FLYWCH1: variants seen among roughly 807,000 people sequenced by gnomAD.
The protein encoded by FLYWCH1 is FLYWCH-type zinc finger 1.
Under a neutral mutation model 66.4 loss-of-function variants are expected in FLYWCH1, and 75 were observed. That is an observed-to-expected ratio of 1.13 (90% CI 0.94 to 1.37). The LOEUF (loss-of-function observed/expected upper bound fraction) is 1.37, where lower values mean the gene tolerates loss of function less well. FLYWCH1 is among the 40% of genes most tolerant of loss of function. The probability of loss-of-function intolerance (pLI) is 0.00; values close to 1 mark genes in which losing one functional copy is unlikely to be tolerated. For missense variants in FLYWCH1, 1,334 were observed against 1,001.8 expected (o/e 1.33, Z -4.48); for synonymous variants, 595 against 429.9 (o/e 1.38, Z -4.75).
chr16:2,923,720 C>A (rs1374175937), intron 2 of FLYWCH1, among the ~76,000 whole-genome samples: 1 of 152,066 alleles, frequency 6.6e-6, no homozygotes, highest in Non-Finnish European at 1.5e-5. Context: ...ATTTCATAAC[C>A]GTTTGCATTA....
chr16:2,934,844 C>G (rs2070931635), intron 6 of FLYWCH1: 1 of 299,336 alleles, frequency 3.3e-6, no homozygotes, highest in Admixed American at 4.9e-5. Flanking sequence ...GCCCTATTTC[C>G]TAAAATGTGC....
Position 2,938,317 on chromosome 16 carries a change from G to A in FLYWCH1, c.1911G>A (p.Leu637=), listed in dbSNP as rs748910115. The part of the protein sequence containing the change: ...VYWMCRDQAR[L]GCRSRAITQG... Reference sequence around the variant, plus strand: ...GGATGTGCCGGGACCAGGCTCGGCTGGGCTGCCGCAGCCGCGCCATAACCC... The same window carrying A: ...GGATGTGCCGGGACCAGGCTCGGCTAGGCTGCCGCAGCCGCGCCATAACCC... Residue 637 remains leucine, a synonymous_variant, in exon 8 of 10, where the codon CTG becomes CTA. Coordinates refer to ENST00000253928, the MANE Select transcript of FLYWCH1 (RefSeq NM_001308068.2). 3.1e-6 allele frequency: 5 copies of A among 1,608,948 alleles called. 1 individual carries two copies.
At chr16:2,933,668 C>T (rs746218400) in intron 5 of FLYWCH1, 48 bp from the exon 6 acceptor site, 6 of 1,584,388 alleles carry the variant, frequency 3.8e-6, no homozygotes, top group Admixed American at 3.5e-5. Flanking sequence ...GCGATCAGGC[C>T]TACCCAGCCC....
In FLYWCH1 at chr16:2,937,276, C is replaced by T. The variant is rs759248456; in HGVS notation, c.1669C>T (p.Arg557Trp). 15 of 1,605,458 alleles carry T rather than the reference C, an allele frequency of 9.3e-6. No individual in the cohort carries two copies. In the East Asian group the frequency reaches 1.6e-4, roughly 17 times the overall value. Reference sequence around the variant, plus strand: ...CCGCAGCCGCGCCATCACCCAGGGCCGGCGGGTCATGGTCATGCGCAGGCA... The same window carrying T: ...CCGCAGCCGCGCCATCACCCAGGGCTGGCGGGTCATGGTCATGCGCAGGCA... Reference protein sequence around the residue: ...GCRSRAITQGRRVMVMRRHCH... With the variant: ...GCRSRAITQGWRVMVMRRHCH... Residue 557 changes from arginine to tryptophan, a missense_variant, in exon 7 of 10, where the codon CGG becomes TGG. Coordinates refer to ENST00000253928, the MANE Select transcript of FLYWCH1 (RefSeq NM_001308068.2).
intron 2 of FLYWCH1, among the ~76,000 whole-genome samples, chr16:2,925,321 T>A (rs1439884539): frequency 2.6e-5 from 4 of 152,032 alleles, no homozygotes; most frequent in Non-Finnish European, 5.9e-5. Flanking sequence ...GTCAAGGAAC[T>A]GCCACGTCCA....
intron 3 of FLYWCH1, 99 bp from the exon 4 acceptor site, chr16:2,930,311 C>T: frequency 5.4e-6 from 4 of 739,326 alleles, no homozygotes; most frequent in Non-Finnish European, 8.7e-6. Flanking sequence ...GGAGAAGGCA[C>T]CTGCCATACT....
In FLYWCH1 at chr16:2,933,352, C is replaced by G. The variant is rs761599299; in HGVS notation, c.1019C>G (p.Ala340Gly). Reference sequence around the variant, plus strand: ...CAGCCCGATATGGAGGGCCTGGAAGCCCGGCGGCAGCAGGAGAAGGCCGTG... The same window carrying G: ...CAGCCCGATATGGAGGGCCTGGAAGGCCGGCGGCAGCAGGAGAAGGCCGTG... Reference protein sequence around the residue: ...CHQPDMEGLEARRQQEKAVET... With the variant: ...CHQPDMEGLEGRRQQEKAVET... Residue 340 changes from alanine to glycine, a missense_variant, in exon 5 of 10, where the codon GCC becomes GGC. By Grantham distance (60) the Ala-to-Gly change is moderately conservative. Transcript: ENST00000253928. The G allele has an allele frequency of 6.2e-7, 1 of 1,604,960 alleles. No individual in the cohort carries two copies. Among genetic ancestry groups the G allele is most frequent in the East Asian group, 2.3e-5 (1 of 44,438 alleles).
At chr16:2,921,563 A>G (rs1369104424) in intron 2 of FLYWCH1, among the ~76,000 whole-genome samples, 2 of 152,026 alleles carry the variant, frequency 1.3e-5, no homozygotes, top group African/African-American at 2.4e-5. Flanking sequence ...TAATTAAAAA[A>G]CCAGGCTGGG....
intron 2 of FLYWCH1, chr16:2,923,138 C>A (rs1226478020): frequency 1.5e-5 from 6 of 389,090 alleles, no homozygotes; most frequent in South Asian, 2.1e-5. Flanking sequence ...GCTGTGGACG[C>A]CTTTCAACGC....
Position 2,933,206 on chromosome 16 carries a change from G to T in FLYWCH1, c.873G>T (p.Lys291Asn). Residue 291 changes from lysine to asparagine, a missense_variant, in exon 5 of 10, where the codon AAG (lysine) becomes AAT (asparagine). Transcript: ENST00000253928. ...TGGTACACGAGTCGTTCCTCTACAA[G>T]CGGGAGAAGGCTGTCGGGGACAAGG... The part of the protein sequence containing the change: ...SFLVHESFLY[K>N]REKAVGDKVY... The T allele has an allele frequency of 2.5e-6, 4 of 1,613,714 alleles. No homozygotes were observed. Among genetic ancestry groups the T allele is most frequent in the Non-Finnish European group, 3.4e-6 (4 of 1,179,856 alleles).
chr16:2,945,747 C>G (rs1435294018), intron 9 of FLYWCH1, among the ~76,000 whole-genome samples: 1 of 151,934 alleles, frequency 6.6e-6, no homozygotes, highest in Non-Finnish European at 1.5e-5. Context: ...CCTGTAATCC[C>G]AGCACTTTGG....
intron 6 of FLYWCH1, 172 bp from the exon 7 acceptor site, chr16:2,936,949 A>C (rs2071030442): frequency 1.2e-6 from 1 of 863,194 alleles, no homozygotes; most frequent in African/African-American, 1.7e-5. Context: ...GGACCCCAGC[A>C]GCTGGAGCCC....
Position 2,929,993 on chromosome 16 carries a change from G to T in FLYWCH1, c.308G>T (p.Cys103Phe). ...GCCCTAGAGATGCCTGAACAGAAGT[G>T]CAGCAAGCTGGATGCAGGTGAGGTG... Reference protein sequence around the residue: ...QPALEMPEQKCSKLDAAAPQS... With the variant: ...QPALEMPEQKFSKLDAAAPQS... Residue 103 changes from cysteine to phenylalanine, a missense_variant, in exon 3 of 10, where the codon TGC (cysteine) becomes TTC (phenylalanine). Transcript: ENST00000253928. The T allele has an allele frequency of 6.2e-7, 1 of 1,605,210 alleles. No homozygotes were observed. The highest frequency in any genetic ancestry group is 8.5e-7 in the Non-Finnish European group (1 of 1,173,306).
In FLYWCH1 at chr16:2,930,674, A is replaced by T. The variant is rs61747746; in HGVS notation, c.590A>T (p.Glu197Val). The change falls in exon 4 of 10, where the codon GAG (glutamate) becomes GTG (valine). Residue 197 changes from glutamate to valine, a missense_variant. Coordinates refer to ENST00000253928, the MANE Select transcript of FLYWCH1 (RefSeq NM_001308068.2). ...REKLPSLALP[E>V]GLGEPQGPEG... ...AAACTGCCCAGCCTGGCCCTGCCAGAGGGCTTGGGAGAGCCCCAGGGTCCT... is the reference window on the plus strand; with the variant it reads ...AAACTGCCCAGCCTGGCCCTGCCAGTGGGCTTGGGAGAGCCCCAGGGTCCT... 2,327 of 1,544,494 alleles carry T rather than the reference A, an allele frequency of 1.5e-3. 17 individuals are homozygous for T. In the African/African-American group the frequency reaches 0.025, roughly 16 times the overall value.
intron 9 of FLYWCH1, among the ~76,000 whole-genome samples, chr16:2,947,239 G>C (rs901513035): frequency 6.6e-6 from 1 of 152,208 alleles, no homozygotes; most frequent in African/African-American, 2.4e-5. Context: ...CAGAGTGTAT[G>C]TAATTCTGTT....
chr16:2,937,420 T>A, intron 7 of FLYWCH1, 36 bp downstream of exon 7: 5 of 1,498,248 alleles, frequency 3.3e-6, no homozygotes, highest in Non-Finnish European at 2.7e-6. Flanking sequence ...GTCTGCCTGG[T>A]CTCCCAGGAC....
intron 9 of FLYWCH1, 197 bp downstream of exon 9, chr16:2,940,289 A>G: frequency 1.9e-6 from 1 of 526,706 alleles, no homozygotes; most frequent in Non-Finnish European, 3.4e-6. Context: ...GTGAGGCTGG[A>G]GGCCCTGCTC....
At chr16:2,940,482 C>G (rs994023488) in intron 9 of FLYWCH1, among the ~76,000 whole-genome samples, 4 of 152,218 alleles carry the variant, frequency 2.6e-5, no homozygotes, top group Admixed American at 6.5e-5. Context: ...GTGGCCCAGG[C>G]TGGAGTACAG....
rs150704073 is a variant in FLYWCH1 at position 2,931,305 on chromosome 16, T to TAAAAAAAAAA, written c.796+441_796+450dup. On this transcript the variant is annotated intron_variant, in intron 4 of 9. Coordinates refer to ENST00000253928, the MANE Select transcript of FLYWCH1 (RefSeq NM_001308068.2). ...TGACTGGAGCGAGACTCCATCTCAGTAAAAAAAAAAAAAAAAAAAAAAAAA... is the reference window on the plus strand; with the variant it reads ...TGACTGGAGCGAGACTCCATCTCAGTAAAAAAAAAAAAAAAAAAAAAAAAAAAAAAAAAAA... Among the ~76,000 whole-genome samples, 2 of 87,468 alleles carry TAAAAAAAAAA rather than the reference T, an allele frequency of 2.3e-5. 1 individual carries two copies. Among genetic ancestry groups the TAAAAAAAAAA allele is most frequent in the Non-Finnish European group, 4.3e-5 (2 of 46,944 alleles). The allele number at this position is 87,468 out of a possible 152,430, so 57.4% of individuals were successfully genotyped here.
Sources: gnomAD v4.1 joint callset for allele counts (sites outside exome capture counted in the v4.1 genomes callset) on GRCh38, gnomAD v4.1.1 for gene constraint, MANE v1.5 for transcripts, NCBI Gene and HGNC (gene_info 2026-07-23, HGNC 2026-07-21) for gene names.